Variants in ELAPOR2 observed in about 807,000 individuals in gnomAD.
ELAPOR2 encodes the protein endosome-lysosome associated apoptosis and autophagy regulator family member 2.
ELAPOR2 carries 89 observed loss-of-function variants against 120.7 expected under a neutral mutation model. That is an observed-to-expected ratio of 0.74 (90% CI 0.62 to 0.88). The LOEUF is 0.88. Among genes scored for constraint, ELAPOR2 ranks in the 40% least tolerant of loss-of-function variants. ELAPOR2 has a pLI of 0.00. For missense variants in ELAPOR2, 1,134 were observed against 1,251.6 expected (o/e 0.91, Z 1.42); for synonymous variants, 444 against 444.9 (o/e 1.00, Z 0.03).
rs564368369 is a variant in ELAPOR2, at chr7:86,881,928, A to T, written c.3031-1398T>A. Among the ~76,000 whole-genome samples, 3 of 152,356 alleles carry T rather than the reference A, an allele frequency of 2.0e-5. No homozygotes were observed. In the East Asian group the frequency reaches 5.8e-4, roughly 29 times the overall value. ...AGGAAGTCGACATTGAGTAGCTGTCAGGAAGGGTAAGTTTGCTTTTGTGTT... is the reference window on the plus strand; with the variant it reads ...AGGAAGTCGACATTGAGTAGCTGTCTGGAAGGGTAAGTTTGCTTTTGTGTT... On this transcript the variant is annotated intron_variant, in intron 21 of 21. Coordinates refer to ENST00000450689, the MANE Select transcript of ELAPOR2 (RefSeq NM_001142749.3).
chr7:86,911,052 G>C (rs575123972), intron 15 of ELAPOR2, among the ~76,000 whole-genome samples: 7 of 152,110 alleles, frequency 4.6e-5, no homozygotes, highest in African/African-American at 1.7e-4. Context: ...AGAATAAAAA[G>C]GAAGGAAAGA....
chr7:86,943,301 T>TAA (rs11377546), intron 4 of ELAPOR2, among the ~76,000 whole-genome samples: 62 of 149,130 alleles, frequency 4.2e-4, no homozygotes, highest in African/African-American at 1.0e-3. Context: ...CATCATCATT[T>TAA]AAAAAAAAAA....
intron 1 of ELAPOR2, among the ~76,000 whole-genome samples, chr7:86,973,265 C>T (rs745686124): frequency 1.1e-4 from 16 of 152,230 alleles, no homozygotes; most frequent in South Asian, 4.1e-4. Context: ...AATTCATTCT[C>T]GATCTGCTGC....
intron 1 of ELAPOR2, among the ~76,000 whole-genome samples, chr7:86,986,960 A>C (rs369089922): frequency 6.6e-6 from 1 of 151,012 alleles, no homozygotes; most frequent in East Asian, 1.9e-4. Flanking sequence ...ACAAGGCTAC[A>C]GTAACCAAAA....
chr7:86,941,884 T>A, intron 5 of ELAPOR2, 134 bp downstream of exon 5: 2 of 560,128 alleles, frequency 3.6e-6, no homozygotes, highest in Non-Finnish European at 6.4e-6. Flanking sequence ...ATAGTTAATT[T>A]TGATATTTTT....
intron 1 of ELAPOR2, among the ~76,000 whole-genome samples, chr7:87,047,550 T>C (rs1471159823): frequency 1.3e-5 from 2 of 152,188 alleles, no homozygotes; most frequent in African/African-American, 2.4e-5. Context: ...AAAGAAGACA[T>C]GCATGTGGCA....
intron 1 of ELAPOR2, among the ~76,000 whole-genome samples, chr7:87,040,473 C>A (rs1489305081): frequency 6.6e-6 from 1 of 152,220 alleles, no homozygotes; most frequent in African/African-American, 2.4e-5. Context: ...CCCGAGCAAC[C>A]TAACTGGGAG....
intron 15 of ELAPOR2, among the ~76,000 whole-genome samples, chr7:86,910,506 T>G (rs1387294527): frequency 2.6e-5 from 4 of 152,166 alleles, no homozygotes; most frequent in African/African-American, 9.6e-5. Context: ...GAATAACACC[T>G]GAATTCTAAA....
At chr7:87,055,275 C>T (rs1040272365) in intron 1 of ELAPOR2, among the ~76,000 whole-genome samples, 1 of 152,182 alleles carries the variant, frequency 6.6e-6, no homozygotes, top group Non-Finnish European at 1.5e-5. Context: ...ATCCTCTAAT[C>T]AAGTTAGAAC....
At chr7:87,025,795 T>C (rs1027007890) in intron 1 of ELAPOR2, among the ~76,000 whole-genome samples, 1 of 152,158 alleles carries the variant, frequency 6.6e-6, no homozygotes, top group Admixed American at 6.6e-5. Flanking sequence ...AATTTGAGCA[T>C]AATTCTTCAA....
intron 1 of ELAPOR2, among the ~76,000 whole-genome samples, chr7:86,997,536 A>G (rs1423593529): frequency 6.6e-6 from 1 of 152,204 alleles, no homozygotes; most frequent in Non-Finnish European, 1.5e-5. Flanking sequence ...ATACTTTAAA[A>G]AAATTTAGGC....
intron 1 of ELAPOR2, among the ~76,000 whole-genome samples, chr7:87,034,979 G>A (rs1794538268): frequency 6.6e-6 from 1 of 151,916 alleles, no homozygotes; most frequent in Non-Finnish European, 1.5e-5. Context: ...CTACTCAGGA[G>A]GCTGAGGCAG....
intron 1 of ELAPOR2, chr7:86,965,814 T>C (rs1791883094): frequency 1.0e-6 from 1 of 985,268 alleles, no homozygotes; most frequent in African/African-American, 1.7e-5. Flanking sequence ...AATACCTTAC[T>C]TATTCAGTTC....
At chr7:86,885,913 CAT>C (rs973102164) in intron 21 of ELAPOR2, among the ~76,000 whole-genome samples, 1 of 152,124 alleles carries the variant, frequency 6.6e-6, no homozygotes, top group Non-Finnish European at 1.5e-5. Flanking sequence ...AGAACAGCTA[CAT>C]GTAGAGAAGG....
chr7:87,015,650 T>A (rs866454670), intron 1 of ELAPOR2, among the ~76,000 whole-genome samples: 1 of 151,966 alleles, frequency 6.6e-6, no homozygotes, highest in Non-Finnish European at 1.5e-5. Context: ...TACTTGGGCA[T>A]GGTGGCGGGC....
chr7:87,018,269 G>A (rs1793931789), intron 1 of ELAPOR2, among the ~76,000 whole-genome samples: 2 of 151,958 alleles, frequency 1.3e-5, no homozygotes, highest in Admixed American at 1.3e-4. Flanking sequence ...TCGAACTCCT[G>A]ACCTCGTGAT....
chr7:86,961,219 C>T (rs1424238172), intron 2 of ELAPOR2, among the ~76,000 whole-genome samples: 2 of 152,146 alleles, frequency 1.3e-5, no homozygotes, highest in African/African-American at 2.4e-5. Flanking sequence ...CTGATTTGAT[C>T]CTTTCCTAAA....
chr7:87,017,903 AGAGT>A (rs1171665695), intron 1 of ELAPOR2, among the ~76,000 whole-genome samples: 1 of 152,210 alleles, frequency 6.6e-6, no homozygotes, highest in East Asian at 1.9e-4. Context: ...CCTGGGTGAC[AGAGT>A]GAGACTGTCT....
intron 1 of ELAPOR2, among the ~76,000 whole-genome samples, chr7:87,056,362 T>C (rs1795262320): frequency 6.6e-6 from 1 of 152,238 alleles, no homozygotes; most frequent in Non-Finnish European, 1.5e-5. Flanking sequence ...ATTTACCTTT[T>C]ATAAGTTCAC....
Sources: allele counts gnomAD v4.1 joint callset (sites outside exome capture counted in the v4.1 genomes callset), GRCh38; gene constraint gnomAD v4.1.1; transcripts MANE v1.5; gene names NCBI Gene and HGNC (gene_info 2026-07-23, HGNC 2026-07-21).